Variants in PKHD1 observed in about 807,000 individuals in gnomAD.
PKHD1 encodes fibrocystin.
In PKHD1, 291 loss-of-function variants were observed where a neutral mutation model predicts 412.0. The observed-to-expected ratio is 0.71, with a 90% CI of 0.64 to 0.78. The LOEUF (loss-of-function observed/expected upper bound fraction) is 0.78. PKHD1 is among the 30% of genes least tolerant of loss of function. The pLI is 0.00. For synonymous variants in PKHD1, 1,777 were observed against 1,821.5 expected (o/e 0.98, Z 0.62); for missense variants, 4,825 against 4,950.7 (o/e 0.97, Z 0.76).
chr6:51,987,259 C>A (rs1396300390), intron 35 of PKHD1, among the ~76,000 whole-genome samples: 7 of 152,052 alleles, frequency 4.6e-5, no homozygotes, highest in African/African-American at 1.7e-4. Context: ...AAAACCAGAA[C>A]AACAATTAAA....
At chr6:52,035,760 C>G in intron 27 of PKHD1, 39 bp from the exon 28 acceptor site, 1 of 1,605,604 alleles carries the variant, frequency 6.2e-7, no homozygotes, top group Non-Finnish European at 8.5e-7. Context: ...GATCACCAAC[C>G]ATACAGGCAG....
intron 60 of PKHD1, among the ~76,000 whole-genome samples, chr6:51,726,636 G>A (rs1340907728): frequency 6.6e-6 from 1 of 152,142 alleles, no homozygotes; most frequent in Non-Finnish European, 1.5e-5. Flanking sequence ...ATCAAAAACT[G>A]ATGTTTATCC....
chr6:51,977,807 G>C (rs1193719026), intron 35 of PKHD1, among the ~76,000 whole-genome samples: 1 of 152,156 alleles, frequency 6.6e-6, no homozygotes, highest in Non-Finnish European at 1.5e-5. Flanking sequence ...AGCTGCCCTT[G>C]CCCAGTGGCA....
chr6:51,918,643 T>C (rs1784208242), intron 37 of PKHD1, among the ~76,000 whole-genome samples: 1 of 152,208 alleles, frequency 6.6e-6, no homozygotes, highest in South Asian at 2.1e-4. Context: ...TGAACAGTGA[T>C]TCAATAAACA....
At chr6:52,057,495 C>T (rs899185162) in intron 16 of PKHD1, among the ~76,000 whole-genome samples, 3 of 152,116 alleles carry the variant, frequency 2.0e-5, no homozygotes, top group African/African-American at 7.2e-5. Context: ...CGGCTCACTG[C>T]AACCTCCGAC....
chr6:52,070,675 A>C (rs528299375), intron 9 of PKHD1, among the ~76,000 whole-genome samples: 50 of 152,320 alleles, frequency 3.3e-4, no homozygotes, highest in African/African-American at 1.2e-3. Flanking sequence ...CTAGCAATAA[A>C]AGGGCAAATG....
chr6:52,029,789 T>C (rs1802766550), intron 29 of PKHD1, among the ~76,000 whole-genome samples: 1 of 152,184 alleles, frequency 6.6e-6, no homozygotes, highest in South Asian at 2.1e-4. Flanking sequence ...ATGGTAGTCC[T>C]AGGGCCAAAG....
intron 51 of PKHD1, among the ~76,000 whole-genome samples, chr6:51,835,994 C>A (rs2151546242): frequency 6.6e-6 from 1 of 152,228 alleles, no homozygotes; most frequent in South Asian, 2.1e-4. Context: ...TTCATAGAAC[C>A]ATCTGACTTT....
At chr6:52,042,725 A>G in intron 27 of PKHD1, 134 bp downstream of exon 27, 2 of 799,192 alleles carry the variant, frequency 2.5e-6, no homozygotes, top group Non-Finnish European at 2.1e-6. Flanking sequence ...GCTCATTTAA[A>G]TACTTATGTC....
At chr6:51,723,305 C>T (rs115948223) in intron 60 of PKHD1, among the ~76,000 whole-genome samples, 7 of 152,282 alleles carry the variant, frequency 4.6e-5, no homozygotes, top group Non-Finnish European at 1.0e-4. Flanking sequence ...TCCAAGTGCA[C>T]ACATATGGTC....
intron 27 of PKHD1, among the ~76,000 whole-genome samples, chr6:52,041,632 C>T (rs1004557532): frequency 2.0e-5 from 3 of 152,194 alleles, no homozygotes; most frequent in African/African-American, 4.8e-5. Context: ...ATAATTTCTA[C>T]CCGCTTGGCA....
At chr6:51,648,668 CTTAATCACA>C (rs1770455955) in intron 62 of PKHD1, among the ~76,000 whole-genome samples, 1 of 152,304 alleles carries the variant, frequency 6.6e-6, no homozygotes, top group Non-Finnish European at 1.5e-5. Context: ...TCTTGTTTTA[CTTAATCACA>C]TATAAGAGAG....
At chr6:51,699,681 C>T (rs1779193075) in intron 60 of PKHD1, among the ~76,000 whole-genome samples, 1 of 152,054 alleles carries the variant, frequency 6.6e-6, no homozygotes, top group Admixed American at 6.6e-5. Context: ...CTTTTGCACT[C>T]CTACCAGTAA....
rs150270692 is a variant in PKHD1 at position 52,082,647 on chromosome 6, C to T, written c.131-105G>A. On this transcript the variant is annotated intron_variant, in intron 3 of 66. Transcript: ENST00000371117. ...GGGGTAATGTAAGACATTAAATTTG[C>T]CCAAGGATTAAATTAATACTCCTCA... 7.2e-6 allele frequency: 8 copies of T among 1,116,636 alleles called. No homozygotes were observed. The African/African-American group carries it at 1.2e-4, about 17-fold the overall frequency. 69.2% of individuals were successfully genotyped at this position (1,116,636 alleles called of 1,614,324 possible). A position where few individuals can be genotyped will look rare whatever the true frequency, so the allele number is the denominator to read the frequency against.
At chr6:51,884,666 G>A (rs1487222304) in intron 45 of PKHD1, among the ~76,000 whole-genome samples, 2 of 151,888 alleles carry the variant, frequency 1.3e-5, no homozygotes, top group African/African-American at 4.8e-5. Context: ...TCCTTCATAG[G>A]TTTAGCATTT....
intron 43 of PKHD1, among the ~76,000 whole-genome samples, chr6:51,891,256 T>G (rs1449715124): frequency 5.9e-5 from 9 of 152,116 alleles, no homozygotes; most frequent in Admixed American, 5.2e-4. Context: ...CTTCAGGTTT[T>G]GGGGTTTTGT....
chr6:51,740,812 A>T (rs1784458024), intron 60 of PKHD1, among the ~76,000 whole-genome samples: 2 of 152,196 alleles, frequency 1.3e-5, no homozygotes, highest in South Asian at 4.1e-4. Flanking sequence ...ACCATTTACT[A>T]TGTGCTGTCT....
intron 52 of PKHD1, among the ~76,000 whole-genome samples, chr6:51,817,038 G>A (rs1382666181): frequency 2.0e-5 from 3 of 151,336 alleles, no homozygotes; most frequent in African/African-American, 2.4e-5. Flanking sequence ...GATACAGGAC[G>A]TTTTATCCGA....
At chr6:51,777,935 T>C (rs1791332696) in intron 53 of PKHD1, among the ~76,000 whole-genome samples, 1 of 152,054 alleles carries the variant, frequency 6.6e-6, no homozygotes, top group African/African-American at 2.4e-5. Flanking sequence ...ATGGCCAGAA[T>C]TTGGCTTCCT....
Sources: allele counts gnomAD v4.1 joint callset (sites outside exome capture counted in the v4.1 genomes callset), GRCh38; gene constraint gnomAD v4.1.1; transcripts MANE v1.5; gene names NCBI Gene and HGNC (gene_info 2026-07-23, HGNC 2026-07-21).